The following HRH2 variants were observed in gnomAD, a reference collection of about 807,000 sequenced individuals.
HRH2 encodes histamine H2 receptor.
Under a neutral mutation model 20.1 loss-of-function variants are expected in HRH2, and 4 were observed. The observed-to-expected ratio is 0.20, with a 90% CI of 0.10 to 0.45. HRH2 has a LOEUF of 0.45. Ranked by LOEUF, HRH2 falls within the 20% of genes least tolerant of loss-of-function variation. The probability of loss-of-function intolerance (pLI) is 0.99; values close to 1 mark genes in which losing one functional copy is unlikely to be tolerated. For missense variants in HRH2, 250 were observed against 461.6 expected (o/e 0.54, Z 4.20); for synonymous variants, 197 against 200.7 (o/e 0.98, Z 0.16).
In HRH2 at chr5:175,709,228, C is replaced by T. The variant is rs1347858105; in HGVS notation, c.*1257C>T. 2 of 152,226 alleles carry T rather than the reference C, an allele frequency of 1.3e-5. No homozygotes were observed. Among genetic ancestry groups the T allele is most frequent in the Admixed American group, 1.3e-4 (2 of 15,268 alleles). The allele number at this position is 152,226 out of a possible 1,614,324, so 9.4% of individuals were successfully genotyped here. A position where few individuals can be genotyped will look rare whatever the true frequency, so the allele number is the denominator to read the frequency against. ...CCCCTCCCTGACATCCCCGACCTCC[C>T]TTTTCTGTCCCTTTTGCAACTCATT... On this transcript the variant is annotated 3_prime_UTR_variant, in exon 3 of 3. Transcript: ENST00000636584.
rs10036740 is a variant in HRH2, at chr5:175,701,157, G to A, written c.1077-6622G>A. On this transcript the variant is annotated intron_variant, in intron 2 of 2. Coordinates refer to ENST00000636584, the MANE Select transcript of HRH2 (RefSeq NM_001367711.1). The stretch of plus-strand genomic sequence containing the variant: ...AACTCATTTCACAGATGAGGAAACC[G>A]AGGCTCAGAGCGGGGCTGAGCAAAG... 7.3e-3 allele frequency among the ~76,000 whole-genome samples: 1,107 copies of A among 152,284 alleles called. 15 individuals carry two copies. The highest frequency in any genetic ancestry group is 0.025 in the African/African-American group (1,054 of 41,558).
intron 1 of HRH2, among the ~76,000 whole-genome samples, chr5:175,676,845 T>G (rs1198465999): frequency 6.6e-6 from 1 of 152,250 alleles, no homozygotes; most frequent in Non-Finnish European, 1.5e-5. Context: ...CCAGTTGCAC[T>G]GGAGGATATT....
chr5:175,697,838 C>T (rs1756654990), intron 2 of HRH2, among the ~76,000 whole-genome samples: 1 of 152,182 alleles, frequency 6.6e-6, no homozygotes, highest in South Asian at 2.1e-4. Flanking sequence ...TAGGCCATTC[C>T]CTGTTCTCAG....
intron 2 of HRH2, among the ~76,000 whole-genome samples, chr5:175,698,764 G>GA (rs141604801): frequency 6.6e-6 from 1 of 152,124 alleles, no homozygotes; most frequent in South Asian, 2.1e-4. Flanking sequence ...CTTTGTCATG[G>GA]AAAAAATGTA....
At chr5:175,706,584 G>A (rs1466730060) in intron 2 of HRH2, among the ~76,000 whole-genome samples, 1 of 152,190 alleles carries the variant, frequency 6.6e-6, no homozygotes, top group Non-Finnish European at 1.5e-5. Flanking sequence ...TAATGCAAGG[G>A]CAAATACCTG....
At position 175,668,242 on chromosome 5, in the gene HRH2, C is replaced by A. The variant is rs143961882; in HGVS notation, c.-526+10087C>A. ...TGTGGGCTTGTGCATCACACATGTG[C>A]GCTATTTATGCTCACGGTGTGTGAA... On this transcript the variant is annotated intron_variant, in intron 1 of 2. Transcript: ENST00000636584. Among the ~76,000 whole-genome samples, 6 of 152,222 alleles carry A rather than the reference C, an allele frequency of 3.9e-5. 1 individual carries two copies. In the South Asian group the frequency reaches 1.2e-3, roughly 32 times the overall value.
At chr5:175,692,009 A>C (rs889866924) in intron 2 of HRH2, among the ~76,000 whole-genome samples, 3 of 152,170 alleles carry the variant, frequency 2.0e-5, no homozygotes, top group Non-Finnish European at 4.4e-5. Context: ...TGACCCCTTC[A>C]CCTGATGCTT....
rs1355879282 is a variant in HRH2, at chr5:175,681,850, T to G, written c.-525-859T>G. Among the ~76,000 whole-genome samples the G allele has an allele frequency of 6.6e-6, 1 of 152,218 alleles. No individual in the cohort carries two copies. Among genetic ancestry groups the G allele is most frequent in the African/African-American group, 2.4e-5 (1 of 41,452 alleles). On this transcript the variant is annotated intron_variant, in intron 1 of 2. Coordinates refer to ENST00000636584, the MANE Select transcript of HRH2 (RefSeq NM_001367711.1). The surrounding 1 kb of genome is among the most constrained non-coding windows in gnomAD (Gnocchi z 4.3). ...CTGACCTGGATGTGGGATCACGTGT[T>G]CTGCCAAGTAAGACCAGTAAGATTT...
chr5:175,673,444 C>T (rs1755635777), intron 1 of HRH2, among the ~76,000 whole-genome samples: 2 of 152,096 alleles, frequency 1.3e-5, no homozygotes, highest in South Asian at 2.1e-4. Context: ...TGATTTATAT[C>T]CACTTTGTGC....
chr5:175,664,362 A>G (rs1318200585), intron 1 of HRH2, among the ~76,000 whole-genome samples: 1 of 152,206 alleles, frequency 6.6e-6, no homozygotes, highest in Non-Finnish European at 1.5e-5. Context: ...AGATACAGCA[A>G]TGGATACACC....
At chr5:175,663,648 C>T (rs1452627384) in intron 1 of HRH2, among the ~76,000 whole-genome samples, 4 of 152,240 alleles carry the variant, frequency 2.6e-5, no homozygotes, top group Non-Finnish European at 5.9e-5. Context: ...TCCCCACCGG[C>T]CCTTTGTAGT....
At chr5:175,680,682 T>A (rs1755932951) in intron 1 of HRH2, among the ~76,000 whole-genome samples, 2 of 152,214 alleles carry the variant, frequency 1.3e-5, no homozygotes, top group Admixed American at 1.3e-4. Context: ...AGGGCAATCC[T>A]TCTGCCCACA....
At chr5:175,691,841 G>T (rs1756394137) in intron 2 of HRH2, among the ~76,000 whole-genome samples, 1 of 151,186 alleles carries the variant, frequency 6.6e-6, no homozygotes, top group South Asian at 2.1e-4. Context: ...TCCAGCCTAG[G>T]TGACAGAGCA....
rs1379224562 is a variant in HRH2, at chr5:175,683,365, C to T, written c.132C>T (p.Gly44=). 1.9e-6 allele frequency: 3 copies of T among 1,614,196 alleles called. No homozygotes were observed. In the South Asian group the frequency reaches 3.3e-5, roughly 18 times the overall value. The change falls in exon 2 of 3, where the codon GGC becomes GGT. Residue 44 remains glycine (G), a synonymous_variant. Transcript: ENST00000636584. ...AGNVVVCLAV[G]LNRRLRNLTN... is the part of the protein sequence containing the mutation. ...ATGTGGTCGTCTGTCTGGCCGTGGG[C>T]TTGAACCGCCGGCTCCGCAACCTGA...
chr5:175,689,852 A>G (rs1344307916), intron 2 of HRH2, among the ~76,000 whole-genome samples: 1 of 152,220 alleles, frequency 6.6e-6, no homozygotes, highest in Non-Finnish European at 1.5e-5. Context: ...AACAACCTGG[A>G]CTGCATCCAC....
intron 2 of HRH2, among the ~76,000 whole-genome samples, chr5:175,688,680 G>A (rs1182885283): frequency 2.0e-5 from 3 of 152,216 alleles, no homozygotes; most frequent in East Asian, 3.9e-4. Flanking sequence ...ACTCTAGGAC[G>A]AAATGCTGTC....
rs1757016652 is a variant in HRH2 at position 175,708,737 on chromosome 5, T to A, written c.*766T>A. On this transcript the variant is annotated 3_prime_UTR_variant, in exon 3 of 3. Transcript: ENST00000636584. ...CCTCTCAGGAGAGAAGGCAAATATT[T>A]CCTTGACTCAGCCACCTTCCTCCTA... 1 of 152,158 alleles carries A rather than the reference T, an allele frequency of 6.6e-6. No individual in the cohort carries two copies. Among genetic ancestry groups the A allele is most frequent in the South Asian group, 2.1e-4 (1 of 4,824 alleles). 9.4% of individuals were successfully genotyped at this position (152,158 alleles called of 1,614,324 possible).
intron 1 of HRH2, among the ~76,000 whole-genome samples, chr5:175,665,591 G>A (rs73339504): frequency 0.015 from 2,340 of 152,218 alleles, 78 homozygotes; most frequent in African/African-American, 0.054. Flanking sequence ...CAGAGCACTC[G>A]CTGCCCTGAG....
intron 2 of HRH2, among the ~76,000 whole-genome samples, chr5:175,690,224 C>G (rs1756321327): frequency 6.6e-6 from 1 of 152,242 alleles, no homozygotes; most frequent in Non-Finnish European, 1.5e-5. Context: ...CGGGAACCTG[C>G]TGGCTGCCTT....
Sources: gnomAD v4.1 joint callset for allele counts (sites outside exome capture counted in the v4.1 genomes callset) on GRCh38, gnomAD v4.1.1 for gene constraint, Gnocchi (gnomAD v3.1) non-coding constraint, MANE v1.5 for transcripts, NCBI Gene and HGNC (gene_info 2026-07-23, HGNC 2026-07-21) for gene names.